TLN2: variants seen among roughly 807,000 people sequenced by gnomAD.
The protein encoded by TLN2 is talin-2.
In TLN2, 118 loss-of-function variants were observed where a neutral mutation model predicts 294.7. That is an observed-to-expected ratio of 0.40 (90% CI 0.34 to 0.47). TLN2 has a LOEUF of 0.47. TLN2 is among the 20% of genes least tolerant of loss of function. TLN2 has a pLI of 0.84. For synonymous variants in TLN2, 1,431 were observed against 1,304.5 expected, an observed-to-expected ratio of 1.10 and a Z score of -2.09; for missense variants, 3,083 against 3,282.2, an observed-to-expected ratio of 0.94 and a Z score of 1.48.
chr15:62,722,903 A>T (rs2060231451), intron 26 of TLN2, among the ~76,000 whole-genome samples: 2 of 152,340 alleles, frequency 1.3e-5, no homozygotes, highest in South Asian at 4.1e-4. Flanking sequence ...ATATAGGCAG[A>T]AAATCTATTT....
At chr15:62,643,940 CCA>C (rs2051487705) in intron 3 of TLN2, among the ~76,000 whole-genome samples, 1 of 152,084 alleles carries the variant, frequency 6.6e-6, no homozygotes, top group African/African-American at 2.4e-5. Flanking sequence ...AAGGTGGAAA[CCA>C]TGTCTATGTA....
chr15:62,794,135 G>A (rs1053768390), intron 46 of TLN2, among the ~76,000 whole-genome samples: 4 of 152,188 alleles, frequency 2.6e-5, no homozygotes, highest in African/African-American at 9.7e-5. Context: ...GAGCTACATA[G>A]TGTTTGTAGG....
At chr15:62,425,418 A>G (rs1256614307) in intron 1 of TLN2, among the ~76,000 whole-genome samples, 1 of 152,114 alleles carries the variant, frequency 6.6e-6, no homozygotes, top group Admixed American at 6.5e-5. Flanking sequence ...CCCTTCCTGC[A>G]TGGGGCCCCT....
rs2070884077 is a variant in TLN2, at chr15:62,843,254, C to G, written c.*2644C>G. 6.6e-6 allele frequency: 1 copy of G among 152,194 alleles called. No individual in the cohort carries two copies. The highest frequency in any genetic ancestry group is 1.5e-5 in the Non-Finnish European group (1 of 68,052). The allele number at this position is 152,194 out of a possible 1,614,324, so 9.4% of individuals were successfully genotyped here. A position where few individuals can be genotyped will look rare whatever the true frequency, so the allele number is the denominator to read the frequency against. The stretch of plus-strand genomic sequence containing the variant: ...TGAATCCTTGGGCTGATTTTTGTGC[C>G]AGAAATTGCTGTTCCCGATGGCCAA... On this transcript the variant is annotated 3_prime_UTR_variant, in exon 59 of 59. Coordinates refer to ENST00000636159, the MANE Select transcript of TLN2 (RefSeq NM_015059.3).
At chr15:62,558,952 G>C (rs1424305909) in intron 1 of TLN2, among the ~76,000 whole-genome samples, 1 of 152,218 alleles carries the variant, frequency 6.6e-6, no homozygotes, top group Non-Finnish European at 1.5e-5. Flanking sequence ...GATACAGGGA[G>C]AGCAGAGAAG....
At chr15:62,427,428 T>A (rs561029040) in intron 1 of TLN2, among the ~76,000 whole-genome samples, 2 of 152,232 alleles carry the variant, frequency 1.3e-5, no homozygotes, top group East Asian at 3.9e-4. Context: ...GTCCTCCACT[T>A]GCTGAGTGAC....
chr15:62,838,440 G>C (rs188319810), intron 57 of TLN2, among the ~76,000 whole-genome samples: 1 of 152,236 alleles, frequency 6.6e-6, no homozygotes, highest in African/African-American at 2.4e-5. Flanking sequence ...GGAGACAAGC[G>C]AAAGTGATGT....
At chr15:62,701,938 T>TC (rs2058742669) in intron 17 of TLN2, 54 bp from the exon 18 acceptor site, 3 of 1,592,762 alleles carry the variant, frequency 1.9e-6, no homozygotes, top group Non-Finnish European at 2.6e-6. Flanking sequence ...TTTTGAAAAT[T>TC]CTCACCAGAA....
intron 2 of TLN2, among the ~76,000 whole-genome samples, chr15:62,594,709 A>G (rs892674483): frequency 6.6e-6 from 1 of 152,264 alleles, no homozygotes; most frequent in Admixed American, 6.5e-5. Flanking sequence ...AACTGTTAAA[A>G]GAAAACATAA....
intron 1 of TLN2, among the ~76,000 whole-genome samples, chr15:62,567,968 G>A (rs767610270): frequency 1.4e-4 from 22 of 152,104 alleles, no homozygotes; most frequent in African/African-American, 4.1e-4. Context: ...CCCTCTTCCC[G>A]TTCCCCCTGT....
intron 1 of TLN2, among the ~76,000 whole-genome samples, chr15:62,566,194 TG>T (rs1226490790): frequency 6.6e-6 from 1 of 151,950 alleles, no homozygotes; most frequent in African/African-American, 2.4e-5. Context: ...GTTGGGGGCT[TG>T]GGGTGCGGGC....
At chr15:62,744,825 C>T (rs2061529413) in intron 32 of TLN2, among the ~76,000 whole-genome samples, 1 of 152,154 alleles carries the variant, frequency 6.6e-6, no homozygotes, top group South Asian at 2.1e-4. Flanking sequence ...GGATTCTAGG[C>T]GTGAGTCACC....
chr15:62,598,384 C>T (rs1044452973), intron 2 of TLN2, among the ~76,000 whole-genome samples: 4 of 152,172 alleles, frequency 2.6e-5, no homozygotes, highest in Non-Finnish European at 4.4e-5. Flanking sequence ...CGCTGCTTCT[C>T]TAGCAGAGTC....
intron 11 of TLN2, among the ~76,000 whole-genome samples, chr15:62,678,015 G>A (rs1446799469): frequency 2.0e-5 from 3 of 151,646 alleles, no homozygotes; most frequent in Non-Finnish European, 2.9e-5. Context: ...GGCTGGTCTC[G>A]AACTCCCTAC....
At chr15:62,477,974 CCTT>C (rs1169343707) in intron 1 of TLN2, among the ~76,000 whole-genome samples, 2 of 152,038 alleles carry the variant, frequency 1.3e-5, no homozygotes, top group East Asian at 1.9e-4. Context: ...CTGCAGTAGA[CCTT>C]CTCAGAAACG....
chr15:62,839,629 T>G (rs559328910), intron 58 of TLN2, among the ~76,000 whole-genome samples: 2 of 152,298 alleles, frequency 1.3e-5, no homozygotes, highest in East Asian at 3.9e-4. Context: ...TGTGTCTCCA[T>G]CTCGTAAATC....
chr15:62,693,000 C>T (rs186442913), intron 13 of TLN2, 59 bp downstream of exon 13: 62 of 1,435,994 alleles, frequency 4.3e-5, no homozygotes, highest in East Asian at 2.8e-4. Flanking sequence ...GGCTTGGTTT[C>T]GATGACGTGG....
At chr15:62,534,649 C>T (rs757970513) in intron 1 of TLN2, among the ~76,000 whole-genome samples, 6 of 152,124 alleles carry the variant, frequency 3.9e-5, no homozygotes, top group East Asian at 1.9e-4. Flanking sequence ...ACTTCAGCCC[C>T]GCTCCCCTCC....
intron 41 of TLN2, among the ~76,000 whole-genome samples, chr15:62,767,950 A>G (rs890109048): frequency 4.0e-5 from 6 of 150,308 alleles, no homozygotes; most frequent in African/African-American, 1.5e-4. Context: ...AACATAATAT[A>G]TTTATGTCAC....
Sources: gnomAD v4.1 joint callset for allele counts (sites outside exome capture counted in the v4.1 genomes callset) on GRCh38, gnomAD v4.1.1 for gene constraint, MANE v1.5 for transcripts, NCBI Gene and HGNC (gene_info 2026-07-23, HGNC 2026-07-21) for gene names.